EIF2AK4: variants seen among roughly 807,000 people sequenced by gnomAD.
EIF2AK4 encodes the protein eukaryotic translation initiation factor 2 alpha kinase 4.
A neutral mutation model predicts 211.1 loss-of-function variants in EIF2AK4; 139 were observed. The observed-to-expected ratio is 0.66, with a 90% confidence interval of 0.57 to 0.76. The LOEUF (loss-of-function observed/expected upper bound fraction) is 0.76, where lower values mean the gene tolerates loss of function less well. EIF2AK4 is among the 30% of genes least tolerant of loss of function. EIF2AK4 has a pLI of 0.00. For synonymous variants in EIF2AK4, 710 were observed against 751.3 expected (o/e 0.94, Z 0.90); for missense variants, 1,664 against 2,043.8 (o/e 0.81, Z 3.58).
intron 27 of EIF2AK4, among the ~76,000 whole-genome samples, chr15:40,011,967 A>G (rs1393160147): frequency 6.6e-6 from 1 of 152,248 alleles, no homozygotes; most frequent in Non-Finnish European, 1.5e-5. Context: ...TGAACAACAG[A>G]ATACAACAGG....
chr15:40,001,545 G>A (rs537334128), intron 21 of EIF2AK4, among the ~76,000 whole-genome samples: 88 of 149,444 alleles, frequency 5.9e-4, no homozygotes, highest in Middle Eastern at 6.9e-3. Context: ...CAGGAGAATC[G>A]CTTGAGCCTG....
intron 35 of EIF2AK4, among the ~76,000 whole-genome samples, chr15:40,030,680 T>C (rs1480300070): frequency 1.3e-5 from 2 of 152,218 alleles, no homozygotes; most frequent in Admixed American, 6.5e-5. Context: ...AAGGCAGCTG[T>C]TGTCAGAGTG....
At chr15:40,010,929 T>A (rs1300420020) in intron 26 of EIF2AK4, among the ~76,000 whole-genome samples, 1 of 152,228 alleles carries the variant, frequency 6.6e-6, no homozygotes, top group Non-Finnish European at 1.5e-5. Flanking sequence ...TGGGATGAAA[T>A]GCCCAGAGCC....
At chr15:40,003,410 TAA>T in intron 23 of EIF2AK4, 96 bp downstream of exon 23, 2 of 1,521,612 alleles carry the variant, frequency 1.3e-6, no homozygotes, top group South Asian at 1.3e-5. Flanking sequence ...GCTTATATTA[TAA>T]ATGTCACCTT....
chr15:39,969,356 CT>C (rs10550245), intron 9 of EIF2AK4, among the ~76,000 whole-genome samples: 9,187 of 101,008 alleles, frequency 0.091, 280 homozygotes, highest in East Asian at 0.22. Flanking sequence ...ATTTCTTATT[CT>C]TTTTTTTTTT....
Position 39,943,097 on chromosome 15 carries a change from G to A in EIF2AK4, c.258-286G>A, listed in dbSNP as rs1369926435. The stretch of plus-strand genomic sequence containing the variant: ...CAGGTCAAATCGTAGGAAATAAATA[G>A]TAATTGATGTTGGGAAATTTTAATC... On this transcript the variant is annotated intron_variant, in intron 2 of 38. Transcript: ENST00000263791. Among the ~76,000 whole-genome samples the A allele has an allele frequency of 2.0e-5, 3 of 152,030 alleles. No homozygotes were observed. In the East Asian group the frequency reaches 5.8e-4, roughly 29 times the overall value.
intron 6 of EIF2AK4, among the ~76,000 whole-genome samples, chr15:39,956,251 G>T (rs944017681): frequency 6.6e-6 from 1 of 151,972 alleles, no homozygotes; most frequent in African/African-American, 2.4e-5. Flanking sequence ...TGATCCACCC[G>T]CCTCGGCCTC....
chr15:39,984,191 G>A (rs1483108379), intron 13 of EIF2AK4, among the ~76,000 whole-genome samples: 1 of 152,184 alleles, frequency 6.6e-6, no homozygotes, highest in East Asian at 1.9e-4. Flanking sequence ...TGAGGCCTCT[G>A]TTCTGTTCCA....
intron 15 of EIF2AK4, among the ~76,000 whole-genome samples, chr15:39,989,042 C>T (rs2034906477): frequency 6.6e-6 from 1 of 152,130 alleles, no homozygotes; most frequent in Admixed American, 6.6e-5. Flanking sequence ...GTGATTAATA[C>T]CTGCCAAGTT....
intron 26 of EIF2AK4, 123 bp from the exon 27 acceptor site, chr15:40,011,158 C>T (rs2035230150): frequency 1.4e-6 from 1 of 712,534 alleles, no homozygotes; most frequent in Non-Finnish European, 2.4e-6. Context: ...TCAATCTATC[C>T]TGTACCATTA....
intron 23 of EIF2AK4, among the ~76,000 whole-genome samples, chr15:40,004,084 A>G (rs1025248420): frequency 9.9e-5 from 15 of 152,232 alleles, no homozygotes; most frequent in South Asian, 2.1e-4. Context: ...GACAGGAAAC[A>G]TTTTTAAATT....
intron 3 of EIF2AK4, among the ~76,000 whole-genome samples, chr15:39,945,157 C>A (rs1019304676): frequency 7.3e-6 from 1 of 137,628 alleles, no homozygotes; most frequent in Non-Finnish European, 1.6e-5. Context: ...TTTTTTTTTT[C>A]TTTTTGAGAG....
intron 12 of EIF2AK4, 139 bp downstream of exon 12, chr15:39,976,983 C>A: frequency 1.8e-6 from 2 of 1,130,160 alleles, no homozygotes; most frequent in Non-Finnish European, 2.3e-6. Context: ...TAGGGTCTTG[C>A]TCTGTCACCC....
chr15:40,031,283 A>C (rs1168641726), intron 35 of EIF2AK4, among the ~76,000 whole-genome samples: 1 of 152,226 alleles, frequency 6.6e-6, no homozygotes, highest in Non-Finnish European at 1.5e-5. Flanking sequence ...AATTTATAGA[A>C]TATGAATGTT....
intron 1 of EIF2AK4, 40 bp downstream of exon 1, chr15:39,934,379 G>C (rs2034032316): frequency 1.3e-6 from 2 of 1,566,578 alleles, no homozygotes; most frequent in Non-Finnish European, 1.7e-6. Flanking sequence ...GGCGTGCCCT[G>C]GCCTCCCCGG....
intron 8 of EIF2AK4, among the ~76,000 whole-genome samples, chr15:39,967,015 C>T (rs994834383): frequency 6.6e-6 from 1 of 152,040 alleles, no homozygotes; most frequent in South Asian, 2.1e-4. Flanking sequence ...AGTGGCTATA[C>T]CTCAAAAGAA....
intron 14 of EIF2AK4, among the ~76,000 whole-genome samples, chr15:39,986,661 C>G (rs2034869816): frequency 6.6e-6 from 1 of 152,234 alleles, no homozygotes; most frequent in East Asian, 1.9e-4. Context: ...TGAGACCAGT[C>G]TGGCTAACAC....
chr15:39,937,171 A>G (rs574754061), intron 1 of EIF2AK4, among the ~76,000 whole-genome samples: 8 of 152,322 alleles, frequency 5.3e-5, no homozygotes, highest in African/African-American at 1.9e-4. Context: ...GCTCATTTAT[A>G]ATTTGATAGC....
chr15:39,990,179 G>T (rs1203330389), intron 15 of EIF2AK4, 94 bp from the exon 16 acceptor site: 5 of 1,245,092 alleles, frequency 4.0e-6, no homozygotes, highest in Admixed American at 1.8e-5. Context: ...GACCTCATAC[G>T]ATTTTCATCG....
Sources: allele counts gnomAD v4.1 joint callset (sites outside exome capture counted in the v4.1 genomes callset), GRCh38; gene constraint gnomAD v4.1.1; transcripts MANE v1.5; gene names NCBI Gene and HGNC (gene_info 2026-07-23, HGNC 2026-07-21).